PTPRT: variants seen among roughly 807,000 people sequenced by gnomAD.
The protein encoded by PTPRT is protein tyrosine phosphatase receptor type T, also known as receptor-type tyrosine-protein phosphatase T.
Under a neutral mutation model 176.8 loss-of-function variants are expected in PTPRT, and 56 were observed. The ratio of observed to expected loss-of-function variants is 0.32; its 90% CI spans 0.26 to 0.40. PTPRT has a LOEUF of 0.40. Ranked by LOEUF, PTPRT falls within the 10% of genes least tolerant of loss-of-function variation. PTPRT has a pLI of 1.00. For missense variants in PTPRT, 1,540 were observed against 1,908.2 expected (o/e 0.81, Z 3.60); for synonymous variants, 783 against 739.0 (o/e 1.06, Z -0.96).
At chr20:42,162,370 C>T (rs1298073726) in intron 16 of PTPRT, among the ~76,000 whole-genome samples, 1 of 152,190 alleles carries the variant, frequency 6.6e-6, no homozygotes, top group East Asian at 1.9e-4. Flanking sequence ...CCTTTTCATC[C>T]AATGAGTTGC....
intron 9 of PTPRT, among the ~76,000 whole-genome samples, chr20:42,369,509 G>C (rs897570801): frequency 1.3e-5 from 2 of 152,108 alleles, no homozygotes; most frequent in Non-Finnish European, 2.9e-5. Context: ...TGGTGCTGTG[G>C]GAACATATTC....
intron 1 of PTPRT, among the ~76,000 whole-genome samples, chr20:43,043,406 T>C (rs1600669877): frequency 6.6e-6 from 1 of 151,942 alleles, no homozygotes; most frequent in Admixed American, 6.5e-5. Flanking sequence ...GAAAAAAAAA[T>C]AAGCAATAGT....
chr20:42,595,974 AG>A (rs1195610427), intron 7 of PTPRT, among the ~76,000 whole-genome samples: 1 of 152,164 alleles, frequency 6.6e-6, no homozygotes, highest in Non-Finnish European at 1.5e-5. Flanking sequence ...CTTCCTGGTG[AG>A]GGGGCTTCAA....
At chr20:42,447,105 C>T (rs1015023768) in intron 9 of PTPRT, among the ~76,000 whole-genome samples, 5 of 152,212 alleles carry the variant, frequency 3.3e-5, no homozygotes, top group African/African-American at 1.2e-4. Context: ...CCTTGACTTT[C>T]CTCCCCAGAG....
At chr20:42,298,015 T>C (rs1377275607) in intron 12 of PTPRT, among the ~76,000 whole-genome samples, 3 of 152,032 alleles carry the variant, frequency 2.0e-5, no homozygotes, top group Non-Finnish European at 4.4e-5. Context: ...AGAAAAAAAA[T>C]GATTCATCTG....
At chr20:42,126,931 T>C (rs1480922537) in intron 19 of PTPRT, among the ~76,000 whole-genome samples, 1 of 152,208 alleles carries the variant, frequency 6.6e-6, no homozygotes, top group Non-Finnish European at 1.5e-5. Flanking sequence ...GCAGAGACGG[T>C]GTTCATCTTC....
chr20:42,340,886 C>A (rs2145475477), intron 11 of PTPRT, among the ~76,000 whole-genome samples: 1 of 152,226 alleles, frequency 6.6e-6, no homozygotes. Flanking sequence ...AGGCATCTTG[C>A]AAGGTCACCG....
chr20:42,776,264 C>T (rs1230894289), intron 4 of PTPRT, among the ~76,000 whole-genome samples: 1 of 152,196 alleles, frequency 6.6e-6, no homozygotes. Flanking sequence ...ATGGTCTGAA[C>T]TGTGTCTCCC....
intron 7 of PTPRT, among the ~76,000 whole-genome samples, chr20:42,499,569 C>T (rs999571105): frequency 6.6e-6 from 1 of 152,100 alleles, no homozygotes; most frequent in Non-Finnish European, 1.5e-5. Context: ...GGATTACAGG[C>T]GTGAGCCACC....
At chr20:42,107,933 C>A (rs1363538845) in intron 23 of PTPRT, among the ~76,000 whole-genome samples, 3 of 152,178 alleles carry the variant, frequency 2.0e-5, no homozygotes, top group African/African-American at 7.2e-5. Context: ...TCATGAGAAA[C>A]TTTCATGGTT....
chr20:42,490,701 A>G (rs2145372089), intron 7 of PTPRT, among the ~76,000 whole-genome samples: 1 of 152,054 alleles, frequency 6.6e-6, no homozygotes, highest in Non-Finnish European at 1.5e-5. Context: ...CTTTCCTTAA[A>G]GTTTGGGCCA....
Position 42,944,798 on chromosome 20 carries a change from TC to T in PTPRT, c.89-58867del, listed in dbSNP as rs143547578. On this transcript the variant is annotated intron_variant, in intron 1 of 30. Transcript: ENST00000373187. ...GCATTAAGCACTTGGTTGGTTTTAGTCCCAGTATTTATTGTAATTTGCAAAT... is the reference window on the plus strand; with the variant it reads ...GCATTAAGCACTTGGTTGGTTTTAGTCCAGTATTTATTGTAATTTGCAAAT... Among the ~76,000 whole-genome samples, 44 of 152,318 alleles carry T rather than the reference TC, an allele frequency of 2.9e-4. 1 individual carries two copies. The East Asian group carries it at 8.3e-3, about 29-fold the overall frequency.
At chr20:42,169,442 C>T (rs1383616273) in intron 16 of PTPRT, among the ~76,000 whole-genome samples, 1 of 151,980 alleles carries the variant, frequency 6.6e-6, no homozygotes, top group African/African-American at 2.4e-5. Context: ...CTATAAACAT[C>T]CATTGCTCCT....
intron 6 of PTPRT, among the ~76,000 whole-genome samples, chr20:42,683,622 C>T (rs2075642235): frequency 6.6e-6 from 1 of 152,200 alleles, no homozygotes; most frequent in African/African-American, 2.4e-5. Flanking sequence ...CTTTTCAAAA[C>T]TGCTTCATGA....
At chr20:42,118,595 T>A in intron 20 of PTPRT, 95 bp from the exon 21 acceptor site, 1 of 882,860 alleles carries the variant, frequency 1.1e-6, no homozygotes, top group Non-Finnish European at 1.8e-6. Flanking sequence ...TCCACACTGG[T>A]GAGCAGGAGT....
chr20:42,282,624 T>G, intron 12 of PTPRT, 99 bp from the exon 13 acceptor site: 1 of 877,914 alleles, frequency 1.1e-6, no homozygotes, highest in Non-Finnish European at 1.7e-6. Context: ...TATATATTCA[T>G]GCATATGTAT....
At chr20:42,356,039 C>A (rs954388474) in intron 9 of PTPRT, among the ~76,000 whole-genome samples, 1 of 152,142 alleles carries the variant, frequency 6.6e-6, no homozygotes, top group African/African-American at 2.4e-5. Context: ...TTCACCAAAT[C>A]TAATTCCCAC....
the PTPRT span, among the ~76,000 whole-genome samples, chr20:42,055,307 G>A: frequency 6.6e-6 from 1 of 152,180 alleles, no homozygotes; most frequent in Non-Finnish European, 1.5e-5. Context: ...TCAAGAACCT[G>A]GTTTATCACC....
chr20:42,810,900 C>T (rs570449616), intron 2 of PTPRT, among the ~76,000 whole-genome samples: 7 of 152,322 alleles, frequency 4.6e-5, no homozygotes, highest in Admixed American at 2.6e-4. Flanking sequence ...TAAATCATTG[C>T]ACAATCACTT....
Sources: allele counts gnomAD v4.1 joint callset (sites outside exome capture counted in the v4.1 genomes callset), GRCh38; gene constraint gnomAD v4.1.1; transcripts MANE v1.5; gene names NCBI Gene and HGNC (gene_info 2026-07-23, HGNC 2026-07-21).